The following ARID4B variants were observed in gnomAD, a reference collection of about 807,000 sequenced individuals.
ARID4B encodes the protein AT-rich interaction domain 4B.
ARID4B carries 26 observed loss-of-function variants against 147.5 expected under a neutral mutation model. That is an observed-to-expected ratio of 0.18 (90% CI 0.13 to 0.24). The LOEUF (loss-of-function observed/expected upper bound fraction) is 0.24, where lower values mean the gene tolerates loss of function less well. Among genes scored for constraint, ARID4B ranks in the 10% least tolerant of loss-of-function variants. The probability of loss-of-function intolerance (pLI) is 1.00; values close to 1 mark genes in which losing one functional copy is unlikely to be tolerated. For synonymous variants in ARID4B, 512 were observed against 507.9 expected, an observed-to-expected ratio of 1.01 and a Z score of -0.11; for missense variants, 1,179 against 1,511.5, an observed-to-expected ratio of 0.78 and a Z score of 3.65.
At chr1:235,236,860 ATATTTTT>A (rs1328726436) in intron 8 of ARID4B, among the ~76,000 whole-genome samples, 20 of 20,400 alleles carry the variant, frequency 9.8e-4, no homozygotes, top group Non-Finnish European at 1.4e-3. Flanking sequence ...ATATATATAT[ATATTTTT>A]TTTTTTTTTT....
chr1:235,183,790 T>TTC (rs923232580), intron 19 of ARID4B, among the ~76,000 whole-genome samples: 5 of 151,602 alleles, frequency 3.3e-5, no homozygotes, highest in African/African-American at 4.8e-5. Context: ...CTTTCTTTAT[T>TTC]TCTCTCTCTC....
At chr1:235,196,160 C>A (rs113050241) in intron 17 of ARID4B, 45 bp from the exon 18 acceptor site, 2 of 967,640 alleles carry the variant, frequency 2.1e-6, no homozygotes, top group African/African-American at 1.7e-5. Flanking sequence ...ATATATACCA[C>A]GGAAATAACC....
At chr1:235,210,917 C>T (rs889205665) in intron 17 of ARID4B, among the ~76,000 whole-genome samples, 5 of 152,200 alleles carry the variant, frequency 3.3e-5, no homozygotes, top group Non-Finnish European at 7.3e-5. Context: ...TCCTGGAATT[C>T]TCTTTCTTTT....
chr1:235,260,579 C>T (rs1670231689), intron 3 of ARID4B, 63 bp downstream of exon 3: 2 of 1,258,342 alleles, frequency 1.6e-6, no homozygotes, highest in Non-Finnish European at 1.1e-6. Flanking sequence ...AATACACTCA[C>T]CAAATAAAAG....
At chr1:235,175,078 G>T (rs1002709035) in intron 22 of ARID4B, 106 bp downstream of exon 22, 2 of 1,021,298 alleles carry the variant, frequency 2.0e-6, no homozygotes, top group Non-Finnish European at 3.0e-6. Flanking sequence ...CCGCACTCCA[G>T]CCTGGTGACA....
chr1:235,239,933 G>T (rs1490982994), intron 8 of ARID4B, among the ~76,000 whole-genome samples: 1 of 152,064 alleles, frequency 6.6e-6, no homozygotes, highest in Non-Finnish European at 1.5e-5. Context: ...ATCAAGGATG[G>T]AAACACCCTG....
chr1:235,221,213 C>G (rs1331479513), intron 14 of ARID4B, among the ~76,000 whole-genome samples: 1 of 152,202 alleles, frequency 6.6e-6, no homozygotes, highest in East Asian at 1.9e-4. Flanking sequence ...TTCCATTTTA[C>G]AAATGAAGAA....
intron 7 of ARID4B, among the ~76,000 whole-genome samples, chr1:235,241,930 C>G (rs12760850): frequency 0.29 from 44,538 of 151,880 alleles, 7,678 homozygotes; most frequent in South Asian, 0.54. Context: ...CTGGCAGAAA[C>G]AAAGCAAATC....
chr1:235,198,344 C>G (rs1175136337), intron 17 of ARID4B, among the ~76,000 whole-genome samples: 1 of 152,112 alleles, frequency 6.6e-6, no homozygotes, highest in Non-Finnish European at 1.5e-5. Flanking sequence ...AGAATACATG[C>G]ATGATATTGC....
chr1:235,275,944 C>T (rs750212416), intron 2 of ARID4B, among the ~76,000 whole-genome samples: 1 of 152,078 alleles, frequency 6.6e-6, no homozygotes, highest in African/African-American at 2.4e-5. Context: ...CAAGACCAGC[C>T]GGGACAACAC....
chr1:235,173,742 T>TAAAA lies in ARID4B; in HGVS notation c.3665-982_3665-979dup, dbSNP rs755815257. On this transcript the variant is annotated intron_variant, in intron 22 of 23. Transcript: ENST00000264183. ...AACATAATGAGACCTCGTCTCTATT[T>TAAAA]AAAAAAAAAAAAAAAAAAAAAAAAA... 3.0e-4 allele frequency among the ~76,000 whole-genome samples: 8 copies of TAAAA among 26,262 alleles called. 2 individuals carry two copies. The highest frequency in any genetic ancestry group is 1.5e-3 in the Admixed American group (2 of 1,322). 17.2% of individuals were successfully genotyped at this position (26,262 alleles called of 152,430 possible).
intron 2 of ARID4B, among the ~76,000 whole-genome samples, chr1:235,298,684 A>G (rs1672924423): frequency 6.6e-6 from 1 of 151,956 alleles, no homozygotes; most frequent in South Asian, 2.1e-4. Flanking sequence ...GCAGAATTGT[A>G]TTTACATATA....
chr1:235,308,897 C>G (rs1673791503), intron 2 of ARID4B, among the ~76,000 whole-genome samples: 1 of 152,206 alleles, frequency 6.6e-6, no homozygotes, highest in South Asian at 2.1e-4. Flanking sequence ...CGGCTGCCAC[C>G]CCATCTGGGA....
intron 6 of ARID4B, among the ~76,000 whole-genome samples, chr1:235,248,405 C>A (rs1272635725): frequency 6.6e-6 from 1 of 152,078 alleles, no homozygotes; most frequent in Non-Finnish European, 1.5e-5. Flanking sequence ...TCTATGTAAT[C>A]TGAAATATTA....
rs1663086125 is a variant in ARID4B, at chr1:235,168,353, TG to T, written c.*171del. ...TATTGCTTGAGGAAAAGCAGTTCATTGTACTTTTTCTTCATAAAAAAGTGCA... is the reference window on the plus strand; with the variant it reads ...TATTGCTTGAGGAAAAGCAGTTCATTTACTTTTTCTTCATAAAAAAGTGCA... On this transcript the variant is annotated 3_prime_UTR_variant, in exon 24 of 24. Coordinates refer to ENST00000264183, the MANE Select transcript of ARID4B (RefSeq NM_016374.6). 1.6e-6 allele frequency: 1 copy of T among 634,934 alleles called. No homozygotes were observed. Among genetic ancestry groups the T allele is most frequent in the African/African-American group, 1.9e-5 (1 of 53,126 alleles). The allele number at this position is 634,934 out of a possible 1,614,324, so 39.3% of individuals were successfully genotyped here. A position where few individuals can be genotyped will look rare whatever the true frequency, so the allele number is the denominator to read the frequency against.
chr1:235,269,277 T>C (rs190445314), intron 2 of ARID4B, among the ~76,000 whole-genome samples: 2 of 152,304 alleles, frequency 1.3e-5, no homozygotes, highest in African/African-American at 2.4e-5. Context: ...TTGGCAACCA[T>C]CATAAAGGTG....
At chr1:235,306,417 C>T (rs1673563596) in intron 2 of ARID4B, among the ~76,000 whole-genome samples, 1 of 151,228 alleles carries the variant, frequency 6.6e-6, no homozygotes, top group Non-Finnish European at 1.5e-5. Context: ...CCAGGAGAAT[C>T]ACTTGAACAT....
chr1:235,194,877 A>G (rs1408288679), intron 18 of ARID4B, among the ~76,000 whole-genome samples: 1 of 152,120 alleles, frequency 6.6e-6, no homozygotes, highest in African/African-American at 2.4e-5. Flanking sequence ...ATCTCACTAT[A>G]TGTGGGTTGG....
chr1:235,285,368 C>G (rs894628060), intron 2 of ARID4B, among the ~76,000 whole-genome samples: 1 of 152,104 alleles, frequency 6.6e-6, no homozygotes, highest in Non-Finnish European at 1.5e-5. Flanking sequence ...AACAGATTAC[C>G]TCAATATATC....
Sources: allele counts gnomAD v4.1 joint callset (sites outside exome capture counted in the v4.1 genomes callset), GRCh38; gene constraint gnomAD v4.1.1; transcripts MANE v1.5; gene names NCBI Gene and HGNC (gene_info 2026-07-23, HGNC 2026-07-21).